Variants in GATA4 observed in about 807,000 individuals in gnomAD.
GATA4 encodes the protein transcription factor GATA-4.
GATA4 carries 7 observed loss-of-function variants against 37.9 expected under a neutral mutation model. The ratio of observed to expected loss-of-function variants is 0.18; its 90% CI spans 0.11 to 0.35. The LOEUF (loss-of-function observed/expected upper bound fraction) is 0.35, where lower values mean the gene tolerates loss of function less well. GATA4 is among the 10% of genes least tolerant of loss of function. The probability of loss-of-function intolerance (pLI) is 1.00; values close to 1 mark genes in which losing one functional copy is unlikely to be tolerated. For missense variants in GATA4, 647 were observed against 653.0 expected (o/e 0.99, Z 0.10); for synonymous variants, 372 against 292.6 (o/e 1.27, Z -2.77).
At chr8:11,733,163 G>C (rs1237368693) in intron 2 of GATA4, among the ~76,000 whole-genome samples, 1 of 152,100 alleles carries the variant, frequency 6.6e-6, no homozygotes, top group Non-Finnish European at 1.5e-5. Flanking sequence ...AATAAATGGA[G>C]AAAGATACTA....
At chr8:11,684,449 C>T (rs1799076238) in intron 1 of GATA4, among the ~76,000 whole-genome samples, 1 of 152,174 alleles carries the variant, frequency 6.6e-6, no homozygotes, top group Non-Finnish European at 1.5e-5. Context: ...TCTGTGTTCA[C>T]AAAAGCCAAT....
At chr8:11,700,663 G>A (rs1799645631), upstream of GATA4, 1 of 152,278 alleles carries the variant, frequency 6.6e-6, no homozygotes, top group Admixed American at 6.5e-5. Flanking sequence ...CAAGGGCCGT[G>A]TTGCAGGACT....
chr8:11,679,870 G>A (rs1036494318), intron 1 of GATA4, among the ~76,000 whole-genome samples: 3 of 152,242 alleles, frequency 2.0e-5, no homozygotes, highest in Non-Finnish European at 2.9e-5. Flanking sequence ...AAATGAGGAA[G>A]AGGGTAACAG....
chr8:11,727,219 G>A (rs972537683), intron 2 of GATA4, among the ~76,000 whole-genome samples: 1 of 152,156 alleles, frequency 6.6e-6, no homozygotes, highest in Non-Finnish European at 1.5e-5. Flanking sequence ...TTTCTTCGGG[G>A]AATGTTGATA....
chr8:11,720,980 C>A (rs1364985030), intron 2 of GATA4, among the ~76,000 whole-genome samples: 1 of 152,116 alleles, frequency 6.6e-6, no homozygotes, highest in Non-Finnish European at 1.5e-5. Context: ...CATCCATCCA[C>A]CAGCCAATAA....
intron 1 of GATA4, chr8:11,683,052 T>C: frequency 1.0e-6 from 1 of 985,312 alleles, no homozygotes; most frequent in Non-Finnish European, 1.2e-6. Flanking sequence ...TCGACAGCTC[T>C]CTGGTGTCTC....
intron 1 of GATA4, among the ~76,000 whole-genome samples, chr8:11,678,286 G>C (rs377229022): frequency 6.6e-6 from 1 of 152,138 alleles, no homozygotes; most frequent in Non-Finnish European, 1.5e-5. Context: ...CAGTCCTGGT[G>C]TACCTATTAC....
At chr8:11,703,449 A>T (rs562534455), upstream of GATA4, among the ~76,000 whole-genome samples, 1 of 151,816 alleles carries the variant, frequency 6.6e-6, no homozygotes, top group African/African-American at 2.4e-5. Flanking sequence ...GCTCCCCTGG[A>T]CCGCCTGGCT....
chr8:11,724,074 G>GGGCTC (rs1209365923), intron 2 of GATA4, among the ~76,000 whole-genome samples: 2 of 152,070 alleles, frequency 1.3e-5, no homozygotes, highest in East Asian at 3.8e-4. Context: ...CTCTTGTGAC[G>GGGCTC]GGCTCGTTTC....
At chr8:11,686,631 T>C (rs767678680) in intron 1 of GATA4, among the ~76,000 whole-genome samples, 5 of 152,186 alleles carry the variant, frequency 3.3e-5, no homozygotes, top group Non-Finnish European at 7.3e-5. Flanking sequence ...ACAGGCATAG[T>C]GGTAGGAACT....
intron 4 of GATA4, among the ~76,000 whole-genome samples, chr8:11,750,894 C>G (rs899669225): frequency 1.3e-5 from 2 of 151,788 alleles, no homozygotes; most frequent in African/African-American, 4.8e-5. Context: ...CTGCAGTGAG[C>G]TCTGATTGTC....
chr8:11,727,077 C>T (rs769378949), intron 2 of GATA4, among the ~76,000 whole-genome samples: 2 of 152,202 alleles, frequency 1.3e-5, no homozygotes, highest in Non-Finnish European at 2.9e-5. Context: ...TCAGCCTCAT[C>T]ATAACAAACG....
At chr8:11,680,758 C>T in intron 1 of GATA4, 1 of 985,360 alleles carries the variant, frequency 1.0e-6, no homozygotes, top group Middle Eastern at 5.2e-4. Flanking sequence ...GGCTTCTGCG[C>T]ACCCCTCTCC....
At chr8:11,741,404 G>A (rs958999648) in intron 2 of GATA4, among the ~76,000 whole-genome samples, 2 of 151,930 alleles carry the variant, frequency 1.3e-5, no homozygotes, top group Non-Finnish European at 2.9e-5. Flanking sequence ...GCCTGGGGCC[G>A]CGAAGTCAAG....
chr8:11,744,420 G>C (rs910627765), intron 2 of GATA4, among the ~76,000 whole-genome samples: 1 of 152,180 alleles, frequency 6.6e-6, no homozygotes, highest in South Asian at 2.1e-4. Context: ...GAGTTCCCGG[G>C]ATGCCAGCAC....
intron 1 of GATA4, among the ~76,000 whole-genome samples, chr8:11,678,286 G>A (rs377229022): frequency 2.0e-5 from 3 of 152,256 alleles, no homozygotes; most frequent in African/African-American, 7.2e-5. Flanking sequence ...CAGTCCTGGT[G>A]TACCTATTAC....
At chr8:11,747,821 TA>T (rs1271773455) in intron 2 of GATA4, among the ~76,000 whole-genome samples, 1 of 152,210 alleles carries the variant, frequency 6.6e-6, no homozygotes, top group Non-Finnish European at 1.5e-5. Flanking sequence ...TATGAGTGTA[TA>T]AAGAATTTTA....
intron 5 of GATA4, chr8:11,756,502 A>G (rs1405626854): frequency 4.3e-6 from 1 of 230,836 alleles, no homozygotes; most frequent in African/African-American, 2.3e-5. Flanking sequence ...AGCAAAACCT[A>G]TTTTGAACAG....
chr8:11,730,548 G>A (rs892495211), intron 2 of GATA4, among the ~76,000 whole-genome samples: 13 of 152,198 alleles, frequency 8.5e-5, no homozygotes, highest in African/African-American at 2.7e-4. Context: ...CTCCACGTAG[G>A]GGCCTGAGGA....
Sources: gnomAD v4.1 joint callset for allele counts (sites outside exome capture counted in the v4.1 genomes callset) on GRCh38, gnomAD v4.1.1 for gene constraint, MANE v1.5 for transcripts, NCBI Gene and HGNC (gene_info 2026-07-23, HGNC 2026-07-21) for gene names.